Variants in PTPRN2 observed in about 807,000 individuals in gnomAD.
The protein encoded by PTPRN2 is protein tyrosine phosphatase receptor type N2, also known as receptor-type tyrosine-protein phosphatase N2.
Under a neutral mutation model 118.8 loss-of-function variants are expected in PTPRN2, and 74 were observed. The ratio of observed to expected loss-of-function variants is 0.62; its 90% CI spans 0.52 to 0.76. The LOEUF is 0.76. Among genes scored for constraint, PTPRN2 ranks in the 30% least tolerant of loss-of-function variants. The probability of loss-of-function intolerance (pLI) is 0.00; values close to 1 mark genes in which losing one functional copy is unlikely to be tolerated. For missense variants in PTPRN2, 1,481 were observed against 1,394.4 expected (o/e 1.06, Z -0.99); for synonymous variants, 641 against 608.0 (o/e 1.05, Z -0.80).
In PTPRN2 at chr7:157,671,459, G is replaced by T. The variant is rs1796407675; in HGVS notation, c.2001+11266C>A. Among the ~76,000 whole-genome samples, 1 of 152,170 alleles carries T rather than the reference G, an allele frequency of 6.6e-6. No homozygotes were observed. The highest frequency in any genetic ancestry group is 1.5e-5 in the Non-Finnish European group (1 of 68,024). ...CGGGCCACCCCGGGCTGAGATGGAA[G>T]CTCAGGGGACGGGGGTCTGCACAGG... On this transcript the variant is annotated intron_variant, in intron 13 of 22. Transcript: ENST00000389418. This position sits in a 1 kb window ranked among gnomAD's most constrained non-coding sequence, Gnocchi z 4.1.
rs964911989 is a variant in PTPRN2, at chr7:157,627,364, G to A, written c.2197-5855C>T. Among the ~76,000 whole-genome samples, 12 of 152,326 alleles carry A rather than the reference G, an allele frequency of 7.9e-5. No homozygotes were observed. Among genetic ancestry groups the A allele is most frequent in the African/African-American group, 2.2e-4 (9 of 41,582 alleles). ...CCAGAGGGAGTGAGCCAGTGAAGGC[G>A]GGATTGCACCACAATGCGTGCTCAC... On this transcript the variant is annotated intron_variant, in intron 14 of 22. Coordinates refer to ENST00000389418, the MANE Select transcript of PTPRN2 (RefSeq NM_002847.5). This position sits in a 1 kb window ranked among gnomAD's most constrained non-coding sequence, Gnocchi z 4.2.
Position 158,299,280 on chromosome 7 carries a change from C to T in PTPRN2, c.277+17539G>A, listed in dbSNP as rs111872484. On this transcript the variant is annotated intron_variant, in intron 3 of 22. Coordinates refer to ENST00000389418, the MANE Select transcript of PTPRN2 (RefSeq NM_002847.5). ...TCCTTCCCACCTTTCTGCAGATGCA[C>T]GCAGGGCTCTCAGGAAGCAATTTTT... 9.5e-3 allele frequency among the ~76,000 whole-genome samples: 1,430 copies of T among 150,514 alleles called. 27 individuals carry two copies. Among genetic ancestry groups the T allele is most frequent in the African/African-American group, 0.033 (1,362 of 40,918 alleles).
intron 3 of PTPRN2, among the ~76,000 whole-genome samples, chr7:158,280,050 C>A (rs564314177): frequency 1.3e-5 from 2 of 152,116 alleles, no homozygotes; most frequent in Non-Finnish European, 2.9e-5. Context: ...CACGCCCCAC[C>A]GCTGCCCCCA....
Position 157,898,615 on chromosome 7 carries a change from C to T in PTPRN2, c.1788+58G>A, listed in dbSNP as rs1797266733. ...CCAGCCTCTGTTCTCACGGTGTTCG[C>T]CAGCACCCAGACAGCACTGCAGATC... On this transcript the variant is annotated intron_variant, in intron 12 of 22. Transcript: ENST00000389418. 4 of 1,492,238 alleles carry T rather than the reference C, an allele frequency of 2.7e-6. No individual in the cohort carries two copies. In the East Asian group the frequency reaches 9.0e-5, roughly 34 times the overall value. The allele number at this position is 1,492,238 out of a possible 1,614,324, so 92.4% of individuals were successfully genotyped here. A position where few individuals can be genotyped will look rare whatever the true frequency, so the allele number is the denominator to read the frequency against.
At position 158,326,631 on chromosome 7, in the gene PTPRN2, CA is replaced by C. The variant is rs1259742328; in HGVS notation, c.164-9700del. On this transcript the variant is annotated intron_variant, in intron 2 of 22. Transcript: ENST00000389418. Reference sequence around the variant, plus strand: ...GTTCTCACACACATGCACATTCTCACATGCACACGTTTTCACACATGCTCAC... The same window carrying C: ...GTTCTCACACACATGCACATTCTCACTGCACACGTTTTCACACATGCTCAC... Among the ~76,000 whole-genome samples, 6 of 147,896 alleles carry C rather than the reference CA, an allele frequency of 4.1e-5. No individual in the cohort carries two copies. In the East Asian group the frequency reaches 1.2e-3, roughly 30 times the overall value.
chr7:158,344,038 C>T lies in PTPRN2; in HGVS notation c.164-27106G>A, dbSNP rs924959124. 3.3e-5 allele frequency among the ~76,000 whole-genome samples: 5 copies of T among 152,256 alleles called. No individual in the cohort carries two copies. In the East Asian group the frequency reaches 7.7e-4, roughly 24 times the overall value. ...AACTCACATTCAGGGAAAGACAGCC[C>T]CTCTTACATGCCACCCAGACCCCCA... On this transcript the variant is annotated intron_variant, in intron 2 of 22. Coordinates refer to ENST00000389418, the MANE Select transcript of PTPRN2 (RefSeq NM_002847.5).
At chr7:158,206,805 T>G (rs2150750996) in intron 3 of PTPRN2, among the ~76,000 whole-genome samples, 1 of 151,738 alleles carries the variant, frequency 6.6e-6, no homozygotes, top group South Asian at 2.1e-4. Flanking sequence ...TTTTTTTAAT[T>G]TATTTATTTT....
chr7:158,370,481 AG>A (rs1040921018), intron 2 of PTPRN2, among the ~76,000 whole-genome samples: 5 of 151,604 alleles, frequency 3.3e-5, no homozygotes, highest in African/African-American at 9.7e-5. Context: ...GGCTGGGCGC[AG>A]TGGCTCACGC....
At chr7:158,113,232 G>A (rs1039871689) in intron 9 of PTPRN2, among the ~76,000 whole-genome samples, 2 of 152,180 alleles carry the variant, frequency 1.3e-5, no homozygotes, top group African/African-American at 4.8e-5. Flanking sequence ...GCTGTGGGCT[G>A]ACCTCACAGG....
chr7:157,989,808 G>A (rs1472365576), intron 11 of PTPRN2, among the ~76,000 whole-genome samples: 5 of 152,108 alleles, frequency 3.3e-5, no homozygotes, highest in African/African-American at 9.7e-5. Context: ...AGCATTGAGA[G>A]GTCAGGGCAG....
chr7:157,733,378 T>C (rs1214824831), intron 12 of PTPRN2, among the ~76,000 whole-genome samples: 16 of 40,152 alleles, frequency 4.0e-4, no homozygotes, highest in South Asian at 1.1e-3. Context: ...TTCCGTCCCA[T>C]GCGCCCAGCA....
intron 3 of PTPRN2, among the ~76,000 whole-genome samples, chr7:158,233,411 T>A (rs1404942743): frequency 1.3e-5 from 2 of 152,056 alleles, no homozygotes; most frequent in East Asian, 3.9e-4. Context: ...AGAAAACAAT[T>A]GAAGACGACA....
chr7:157,979,195 C>T (rs1413184928), intron 11 of PTPRN2, among the ~76,000 whole-genome samples: 1 of 151,810 alleles, frequency 6.6e-6, no homozygotes, highest in African/African-American at 2.4e-5. Flanking sequence ...TAATGAATGT[C>T]TGCTGAATGG....
chr7:158,169,748 AGT>A (rs1034652097), intron 5 of PTPRN2, among the ~76,000 whole-genome samples: 35 of 151,878 alleles, frequency 2.3e-4, no homozygotes, highest in African/African-American at 8.0e-4. Flanking sequence ...GCTGGAGTGC[AGT>A]GGCACATCTC....
At chr7:158,417,178 C>T (rs1445738465) in intron 2 of PTPRN2, among the ~76,000 whole-genome samples, 4 of 151,970 alleles carry the variant, frequency 2.6e-5, no homozygotes. Context: ...GATGCTGTAG[C>T]TCTCAGTTTC....
intron 3 of PTPRN2, among the ~76,000 whole-genome samples, chr7:158,288,518 C>A (rs1799902016): frequency 1.3e-5 from 2 of 152,124 alleles, no homozygotes; most frequent in South Asian, 2.1e-4. Flanking sequence ...TTATAGCAAG[C>A]TTTTCTAAGT....
chr7:157,979,931 A>C (rs1447180389), intron 11 of PTPRN2, among the ~76,000 whole-genome samples: 1 of 152,220 alleles, frequency 6.6e-6, no homozygotes, highest in African/African-American at 2.4e-5. Context: ...CTGTGACAAC[A>C]GGAACGAAGC....
At chr7:158,445,366 C>T (rs993899958) in intron 2 of PTPRN2, among the ~76,000 whole-genome samples, 1 of 152,202 alleles carries the variant, frequency 6.6e-6, no homozygotes, top group Admixed American at 6.5e-5. Context: ...TAAATCCCCC[C>T]GTCTGCAACC....
At chr7:157,775,648 G>C (rs1803160452) in intron 12 of PTPRN2, among the ~76,000 whole-genome samples, 1 of 152,200 alleles carries the variant, frequency 6.6e-6, no homozygotes, top group South Asian at 2.1e-4. Context: ...GTGGGGCTGA[G>C]GCGGGCGCAG....
Sources: allele counts gnomAD v4.1 joint callset (sites outside exome capture counted in the v4.1 genomes callset), GRCh38; gene constraint gnomAD v4.1.1; non-coding constraint Gnocchi (gnomAD v3.1); transcripts MANE v1.5; gene names NCBI Gene and HGNC (gene_info 2026-07-23, HGNC 2026-07-21).